Variants in NCOA3 observed in about 807,000 individuals in gnomAD.
The protein encoded by NCOA3 is CBP-interacting protein.
A neutral mutation model predicts 158.8 loss-of-function variants in NCOA3; 51 were observed. That is an observed-to-expected ratio of 0.32 (90% CI 0.26 to 0.41). The LOEUF (loss-of-function observed/expected upper bound fraction) is 0.41. Among genes scored for constraint, NCOA3 ranks in the 10% least tolerant of loss-of-function variants. The pLI is 1.00. For synonymous variants in NCOA3, 537 were observed against 592.4 expected (o/e 0.91, Z 1.36); for missense variants, 1,510 against 1,746.6 (o/e 0.86, Z 2.41).
At chr20:47,556,858 T>C (rs1390878081) in intron 1 of NCOA3, among the ~76,000 whole-genome samples, 3 of 152,232 alleles carry the variant, frequency 2.0e-5, no homozygotes. Context: ...GTAGAATATA[T>C]GTGAAAAGTG....
chr20:47,575,488 T>A (rs1191490073), intron 1 of NCOA3, among the ~76,000 whole-genome samples: 2 of 152,202 alleles, frequency 1.3e-5, no homozygotes, highest in Admixed American at 1.3e-4. Flanking sequence ...ACTATCAGCA[T>A]CGAGTTTATT....
chr20:47,573,561 ACCT>A (rs1210324606), intron 1 of NCOA3, among the ~76,000 whole-genome samples: 3 of 152,212 alleles, frequency 2.0e-5, no homozygotes, highest in Non-Finnish European at 2.9e-5. Context: ...CAGTAGACTT[ACCT>A]GAAGCAGGGC....
At position 47,561,300 on chromosome 20, in the gene NCOA3, T is replaced by TC. The variant is rs1470381043; in HGVS notation, c.-98-21883_-98-21882insC. 6.1e-3 allele frequency among the ~76,000 whole-genome samples: 610 copies of TC among 100,076 alleles called. 6 individuals are homozygous for TC. Among genetic ancestry groups the TC allele is most frequent in the African/African-American group, 0.029 (573 of 19,536 alleles). 65.7% of individuals were successfully genotyped at this position (100,076 alleles called of 152,430 possible). On this transcript the variant is annotated intron_variant, in intron 1 of 22. Transcript: ENST00000371998. ...AATTTTTTTTTTTTTTCAAGTTGACTTTTTTTTTTTTTTTTAAAGCTACAC... is the reference window on the plus strand; with the variant it reads ...AATTTTTTTTTTTTTTCAAGTTGACTCTTTTTTTTTTTTTTTAAAGCTACAC...
chr20:47,653,635 A>G lies in NCOA3; in HGVS notation c.*218A>G. 3.5e-6 allele frequency: 2 copies of G among 578,466 alleles called. No individual in the cohort carries two copies. The highest frequency in any genetic ancestry group is 6.1e-6 in the Non-Finnish European group (2 of 327,736). 35.8% of individuals were successfully genotyped at this position (578,466 alleles called of 1,614,324 possible). ...TTCCCCCCTCCTTCTGCTGTGTATC[A>G]TGGTGTTCAAAACAGAAATGTTTTT... On this transcript the variant is annotated 3_prime_UTR_variant, in exon 23 of 23. Coordinates refer to ENST00000371998, the MANE Select transcript of NCOA3 (RefSeq NM_181659.3).
intron 1 of NCOA3, among the ~76,000 whole-genome samples, chr20:47,533,700 G>C (rs879712124): frequency 2.0e-5 from 3 of 152,258 alleles, no homozygotes; most frequent in East Asian, 1.9e-4. Context: ...AGGTCGAGGA[G>C]GGTGGATTTC....
intron 1 of NCOA3, among the ~76,000 whole-genome samples, chr20:47,565,978 A>AT (rs1006436408): frequency 4.0e-5 from 6 of 151,816 alleles, no homozygotes; most frequent in East Asian, 1.9e-4. Context: ...CCATTTAAAA[A>AT]TTTTTTTTTA....
At chr20:47,534,779 GGT>G (rs977835842) in intron 1 of NCOA3, among the ~76,000 whole-genome samples, 7 of 152,058 alleles carry the variant, frequency 4.6e-5, no homozygotes, top group African/African-American at 1.7e-4. Context: ...GTCTGGGTGT[GGT>G]GGCGTGCACC....
intron 1 of NCOA3, among the ~76,000 whole-genome samples, chr20:47,538,799 C>T (rs1035740832): frequency 1.3e-5 from 2 of 152,214 alleles, no homozygotes; most frequent in South Asian, 4.1e-4. Context: ...CCACCTTGGC[C>T]TCCCAAAGTG....
At chr20:47,573,845 A>G (rs1031631397) in intron 1 of NCOA3, among the ~76,000 whole-genome samples, 8 of 152,328 alleles carry the variant, frequency 5.3e-5, no homozygotes, top group East Asian at 1.9e-4. Flanking sequence ...GACTTCTCAC[A>G]GTATGTTTTT....
intron 1 of NCOA3, among the ~76,000 whole-genome samples, chr20:47,550,708 T>C (rs2084915923): frequency 6.6e-6 from 1 of 152,170 alleles, no homozygotes; most frequent in Admixed American, 6.6e-5. Flanking sequence ...TTGAATGACA[T>C]CGCTTTCACA....
chr20:47,593,867 A>G (rs2085696402), intron 2 of NCOA3, among the ~76,000 whole-genome samples: 1 of 152,172 alleles, frequency 6.6e-6, no homozygotes, highest in African/African-American at 2.4e-5. Flanking sequence ...TGGCATAAGA[A>G]TGACATTCTT....
chr20:47,584,361 T>G (rs1284294247), intron 2 of NCOA3, among the ~76,000 whole-genome samples: 1 of 152,206 alleles, frequency 6.6e-6, no homozygotes, highest in Non-Finnish European at 1.5e-5. Flanking sequence ...GGCGCATGCC[T>G]GTAATCCCAG....
Position 47,639,904 on chromosome 20 carries a change from GCTT to G in NCOA3, c.2954-20_2954-18del. The G allele has an allele frequency of 6.2e-7, 1 of 1,613,714 alleles. No homozygotes were observed. The highest frequency in any genetic ancestry group is 8.5e-7 in the Non-Finnish European group (1 of 1,179,808). On this transcript the variant is annotated intron_variant, in intron 15 of 22. Coordinates refer to ENST00000371998, the MANE Select transcript of NCOA3 (RefSeq NM_181659.3). Reference sequence around the variant, plus strand: ...TTTTTGCTCTTATTTGAGAATTTGTGCTTTCTTTTTGCTCCCCCAGGGCCTGGT... The same window carrying G: ...TTTTTGCTCTTATTTGAGAATTTGTGTCTTTTTGCTCCCCCAGGGCCTGGT...
At chr20:47,616,444 C>T (rs1404366143) in intron 2 of NCOA3, among the ~76,000 whole-genome samples, 5 of 152,004 alleles carry the variant, frequency 3.3e-5, no homozygotes, top group African/African-American at 7.3e-5. Flanking sequence ...CCGCCCACCT[C>T]GGCCTCCCAA....
chr20:47,625,302 T>C (rs2086304208), intron 4 of NCOA3, 79 bp from the exon 5 acceptor site: 1 of 912,118 alleles, frequency 1.1e-6, no homozygotes, highest in East Asian at 2.5e-5. Context: ...TCTTTATGTC[T>C]CTTCTGGGGA....
intron 1 of NCOA3, among the ~76,000 whole-genome samples, chr20:47,544,318 T>G (rs1429155550): frequency 1.3e-5 from 1 of 79,182 alleles, no homozygotes; most frequent in Non-Finnish European, 2.9e-5. Context: ...TAATACTACT[T>G]TTTTTTTTTT....
intron 2 of NCOA3, among the ~76,000 whole-genome samples, chr20:47,591,895 A>G (rs1181613486): frequency 6.6e-6 from 1 of 152,048 alleles, no homozygotes; most frequent in African/African-American, 2.4e-5. Flanking sequence ...TTTATCCTGC[A>G]TGGTATTCTT....
intron 1 of NCOA3, among the ~76,000 whole-genome samples, chr20:47,517,445 C>CT (rs1186569608): frequency 8.4e-5 from 12 of 142,188 alleles, no homozygotes; most frequent in African/African-American, 3.4e-4. Flanking sequence ...TTTCTTTTTT[C>CT]TTTTTCTTTT....
At chr20:47,517,208 T>C (rs1306346261) in intron 1 of NCOA3, among the ~76,000 whole-genome samples, 1 of 152,142 alleles carries the variant, frequency 6.6e-6, no homozygotes, top group Non-Finnish European at 1.5e-5. Flanking sequence ...ACAGCGAGAC[T>C]CCGTCTCCTC....
Sources: gnomAD v4.1 joint callset for allele counts (sites outside exome capture counted in the v4.1 genomes callset) on GRCh38, gnomAD v4.1.1 for gene constraint, MANE v1.5 for transcripts, NCBI Gene and HGNC (gene_info 2026-07-23, HGNC 2026-07-21) for gene names.